Variants in SCN11A observed in about 807,000 individuals in gnomAD.
The protein encoded by SCN11A is sodium voltage-gated channel alpha subunit 11, also known as sodium channel protein type 11 subunit alpha.
In SCN11A, 122 loss-of-function variants were observed where a neutral mutation model predicts 162.2. The observed-to-expected ratio is 0.75, with a 90% confidence interval of 0.65 to 0.87. SCN11A has a LOEUF of 0.87. Ranked by LOEUF, SCN11A falls within the 40% of genes least tolerant of loss-of-function variation. The pLI, the probability that SCN11A is intolerant of heterozygous loss-of-function variation, is 0.00. For missense variants in SCN11A, 2,015 were observed against 2,181.6 expected (o/e 0.92, Z 1.52); for synonymous variants, 758 against 751.5 (o/e 1.01, Z -0.14).
intron 2 of SCN11A, among the ~76,000 whole-genome samples, chr3:38,981,557 G>GTGTT (rs1192230532): frequency 1.3e-5 from 2 of 151,744 alleles, no homozygotes; most frequent in African/African-American, 4.9e-5. Flanking sequence ...GTGTGTGTGT[G>GTGTT]TGTGTGTGTG....
intron 2 of SCN11A, among the ~76,000 whole-genome samples, chr3:39,005,212 CCAGGCCTGGTTT>C (rs910825901): frequency 3.3e-5 from 5 of 152,150 alleles, no homozygotes; most frequent in African/African-American, 1.2e-4. Context: ...CCAGGCAGGC[CCAGGCCTGGTTT>C]CAGGCCTGGC....
chr3:38,856,460 A>T (rs992195229), intron 28 of SCN11A, among the ~76,000 whole-genome samples: 2 of 152,190 alleles, frequency 1.3e-5, no homozygotes, highest in African/African-American at 4.8e-5. Context: ...CTGGGATAGG[A>T]GTGAGGCTGT....
At position 38,914,288 on chromosome 3, in the gene SCN11A, G is replaced by A. The variant is rs554828316; in HGVS notation, c.960-4081C>T. Reference sequence around the variant, plus strand: ...GGATTGCATTCCTGATTTGGCTCTCGGCTTGGCTGTTGGTATACAGGAATG... The same window carrying A: ...GGATTGCATTCCTGATTTGGCTCTCAGCTTGGCTGTTGGTATACAGGAATG... On this transcript the variant is annotated intron_variant, in intron 11 of 29. Coordinates refer to ENST00000302328, the MANE Select transcript of SCN11A (RefSeq NM_001349253.2). Among the ~76,000 whole-genome samples, 4 of 151,876 alleles carry A rather than the reference G, an allele frequency of 2.6e-5. No individual in the cohort carries two copies. In the East Asian group the frequency reaches 5.8e-4, roughly 22 times the overall value.
At chr3:38,962,375 T>G (rs2066747308) in intron 2 of SCN11A, among the ~76,000 whole-genome samples, 1 of 152,348 alleles carries the variant, frequency 6.6e-6, no homozygotes, top group East Asian at 1.9e-4. Flanking sequence ...CATATGGATT[T>G]TAGAATTGTT....
intron 2 of SCN11A, among the ~76,000 whole-genome samples, chr3:38,986,612 TTC>T (rs59541535): frequency 5.3e-5 from 8 of 151,296 alleles, no homozygotes; most frequent in South Asian, 2.1e-4. Flanking sequence ...CCCTCCCTCC[TTC>T]TCTCTCTCTC....
At position 38,919,870 on chromosome 3, in the gene SCN11A, G is replaced by T. The variant is rs187543998; in HGVS notation, c.959+65C>A. ...GTCCACCAGTCATTAAAGACTGTTT[G>T]CCACACCATTCTAAAAGGTCTAGAG... On this transcript the variant is annotated intron_variant, in intron 11 of 29. Transcript: ENST00000302328. 1.2e-4 allele frequency: 133 copies of T among 1,154,684 alleles called. No individual in the cohort carries two copies. In the East Asian group the frequency reaches 3.0e-3, roughly 26 times the overall value. The allele number at this position is 1,154,684 out of a possible 1,614,324, so 71.5% of individuals were successfully genotyped here. A position where few individuals can be genotyped will look rare whatever the true frequency, so the allele number is the denominator to read the frequency against.
At chr3:39,027,655 G>A (rs1392718764) in intron 2 of SCN11A, among the ~76,000 whole-genome samples, 1 of 152,126 alleles carries the variant, frequency 6.6e-6, no homozygotes, top group Non-Finnish European at 1.5e-5. Flanking sequence ...ACCCGACTGG[G>A]GAGGCTGTTT....
chr3:38,898,177 G>T, intron 17 of SCN11A, among the ~76,000 whole-genome samples: 1 of 152,184 alleles, frequency 6.6e-6, no homozygotes, highest in East Asian at 1.9e-4. Context: ...GGCAGAGGTT[G>T]CAGTGAGCTG....
At chr3:38,975,122 A>G (rs1361924887) in intron 2 of SCN11A, among the ~76,000 whole-genome samples, 1 of 152,108 alleles carries the variant, frequency 6.6e-6, no homozygotes, top group African/African-American at 2.4e-5. Context: ...GTATGCTGAT[A>G]AAAAACTATT....
chr3:38,893,939 T>C (rs1222268974), intron 19 of SCN11A, among the ~76,000 whole-genome samples: 1 of 152,170 alleles, frequency 6.6e-6, no homozygotes, highest in African/African-American at 2.4e-5. Context: ...ACATCAAATC[T>C]GTCACTGCCT....
intron 2 of SCN11A, among the ~76,000 whole-genome samples, 25 bp downstream of exon 2, chr3:39,032,354 CA>C (rs1163450547): frequency 1.3e-5 from 2 of 151,960 alleles, no homozygotes; most frequent in Non-Finnish European, 2.9e-5. Context: ...TCCTCTTGAA[CA>C]AACAAAAAAT....
At chr3:38,948,769 T>C (rs1168385760) in intron 5 of SCN11A, among the ~76,000 whole-genome samples, 2 of 152,026 alleles carry the variant, frequency 1.3e-5, no homozygotes, top group African/African-American at 2.4e-5. Flanking sequence ...GCTGGAATAG[T>C]CCTGTTCTCC....
rs763151106 is a variant in SCN11A at position 38,871,724 on chromosome 3, G to C, written c.3496-16C>G. 27 of 1,570,256 alleles carry C rather than the reference G, an allele frequency of 1.7e-5. No individual in the cohort carries two copies. In the South Asian group the frequency reaches 3.2e-4, roughly 18 times the overall value. On this transcript the variant is annotated splice_polypyrimidine_tract_variant and intron_variant, in intron 24 of 29. Coordinates refer to ENST00000302328, the MANE Select transcript of SCN11A (RefSeq NM_001349253.2). ...TGACCACCACCTTATGGAAACAAAA[G>C]CAAAGAAAACCATAACAGATGGGTA...
chr3:38,989,865 C>A (rs1297846050), intron 2 of SCN11A, among the ~76,000 whole-genome samples: 1 of 152,066 alleles, frequency 6.6e-6, no homozygotes, highest in Non-Finnish European at 1.5e-5. Flanking sequence ...CACCCCACCC[C>A]CTCTCATTTT....
chr3:39,043,851 A>G (rs1210549483), intron 1 of SCN11A, among the ~76,000 whole-genome samples: 1 of 152,228 alleles, frequency 6.6e-6, no homozygotes, highest in Non-Finnish European at 1.5e-5. Flanking sequence ...CTTGTAATAA[A>G]AAGGATAAAT....
chr3:38,848,682 T>C (rs1202906476), intron 29 of SCN11A, among the ~76,000 whole-genome samples: 4 of 152,214 alleles, frequency 2.6e-5, no homozygotes, highest in African/African-American at 9.6e-5. Flanking sequence ...CCTCTATGAA[T>C]ATTTCTTGGG....
At position 38,847,300 on chromosome 3, in the gene SCN11A, G is replaced by C. The variant is rs768568691; in HGVS notation, c.4770C>G (p.Ile1590Met). ...ACATGTTGACAACAATGAGAAAGGAGATGATAATGTAACTGACAAAGTAGG... is the reference window on the plus strand; with the variant it reads ...ACATGTTGACAACAATGAGAAAGGACATGATAATGTAACTGACAAAGTAGG... ...ATSYFVSYIIISFLIVVNMYI... is the reference protein window; with the variant it reads ...ATSYFVSYIIMSFLIVVNMYI... The change falls in exon 30 of 30, where the codon ATC (isoleucine) becomes ATG (methionine). Residue 1590 changes from isoleucine (I) to methionine (M), a missense_variant. By Grantham distance (10) the Ile-to-Met change is conservative (BLOSUM62 1). Coordinates refer to ENST00000302328, the MANE Select transcript of SCN11A (RefSeq NM_001349253.2). 2 of 1,614,074 alleles carry C rather than the reference G, an allele frequency of 1.2e-6. No individual in the cohort carries two copies. Among genetic ancestry groups the C allele is most frequent in the African/African-American group, 2.7e-5 (2 of 74,934 alleles).
At chr3:38,896,162 G>C (rs1447317797) in intron 18 of SCN11A, among the ~76,000 whole-genome samples, 1 of 152,154 alleles carries the variant, frequency 6.6e-6, no homozygotes, top group Non-Finnish European at 1.5e-5. Flanking sequence ...CACTCTACCT[G>C]CCTCAGTGTT....
At chr3:39,022,520 C>A (rs1362865928) in intron 2 of SCN11A, among the ~76,000 whole-genome samples, 2 of 152,144 alleles carry the variant, frequency 1.3e-5, no homozygotes, top group African/African-American at 4.8e-5. Flanking sequence ...GTATAGATTA[C>A]AATAAGAGAC....
Sources: gnomAD v4.1 joint callset for allele counts (sites outside exome capture counted in the v4.1 genomes callset) on GRCh38, gnomAD v4.1.1 for gene constraint, MANE v1.5 for transcripts, NCBI Gene and HGNC (gene_info 2026-07-23, HGNC 2026-07-21) for gene names.